The following LVRN variants were observed in gnomAD, a reference collection of about 807,000 sequenced individuals.
The protein encoded by LVRN is laeverin.
LVRN carries 99 observed loss-of-function variants against 111.4 expected under a neutral mutation model. The observed-to-expected ratio is 0.89, with a 90% CI of 0.76 to 1.05. The LOEUF is 1.05. Among genes scored for constraint, LVRN ranks in the 50% least tolerant of loss-of-function variants. The probability of loss-of-function intolerance (pLI) is 0.00; values close to 1 mark genes in which losing one functional copy is unlikely to be tolerated. For synonymous variants in LVRN, 488 were observed against 449.5 expected (o/e 1.09, Z -1.08); for missense variants, 1,414 against 1,206.8 (o/e 1.17, Z -2.54).
intron 13 of LVRN, among the ~76,000 whole-genome samples, chr5:116,007,401 C>T (rs995340008): frequency 6.6e-6 from 1 of 152,172 alleles, no homozygotes; most frequent in Non-Finnish European, 1.5e-5. Flanking sequence ...CCCACCTTAT[C>T]TTATTTGTCC....
intron 16 of LVRN, 97 bp from the exon 17 acceptor site, chr5:116,015,155 A>T: frequency 2.3e-6 from 2 of 881,076 alleles, no homozygotes; most frequent in Admixed American, 4.1e-5. Context: ...TATATCTGTG[A>T]CTATAAATAT....
chr5:116,006,167 G>T (rs114130174), intron 13 of LVRN, among the ~76,000 whole-genome samples, 200 bp downstream of exon 13: 1 of 152,088 alleles, frequency 6.6e-6, no homozygotes, highest in Non-Finnish European at 1.5e-5. Flanking sequence ...CTAAGATGTG[G>T]CAGTGATTTC....
intron 6 of LVRN, 31 bp from the exon 7 acceptor site, chr5:115,999,731 A>C: frequency 6.2e-7 from 1 of 1,610,176 alleles, no homozygotes; most frequent in South Asian, 1.1e-5. Flanking sequence ...ACACCTCAGG[A>C]GTTAATGTGC....
intron 12 of LVRN, among the ~76,000 whole-genome samples, chr5:116,005,042 C>G (rs1270962535): frequency 6.6e-5 from 10 of 152,096 alleles, no homozygotes. Context: ...TTTATTGAAA[C>G]CATTGTAGAT....
intron 5 of LVRN, 87 bp from the exon 6 acceptor site, chr5:115,993,654 C>G (rs1748043704): frequency 1.2e-6 from 1 of 827,152 alleles, no homozygotes; most frequent in Admixed American, 2.8e-5. Flanking sequence ...GTCTTTTGAC[C>G]TTACATTTAC....
At position 116,013,185 on chromosome 5, in the gene LVRN, A is replaced by G. The variant is rs182232593; in HGVS notation, c.2342+717A>G. 5.6e-4 allele frequency among the ~76,000 whole-genome samples: 86 copies of G among 152,336 alleles called. 1 individual carries two copies. The highest frequency in any genetic ancestry group is 4.5e-3 in the Admixed American group (69 of 15,300). ...TCAAATCAATTAGACCAAGCAAGAA[A>G]TACAAAATATACAAAGTATGATTAT... On this transcript the variant is annotated intron_variant, in intron 15 of 19. Transcript: ENST00000357872.
chr5:115,983,146 G>A (rs1747749557), intron 1 of LVRN, 141 bp from the exon 2 acceptor site: 11 of 857,238 alleles, frequency 1.3e-5, no homozygotes, highest in Non-Finnish European at 1.9e-5. Flanking sequence ...GTGTTGGTGT[G>A]ATGGGATGGG....
intron 19 of LVRN, among the ~76,000 whole-genome samples, chr5:116,024,787 T>TA (rs960715845): frequency 3.3e-5 from 5 of 152,258 alleles, no homozygotes; most frequent in East Asian, 1.9e-4. Context: ...TATTGCAATT[T>TA]AAAAAAATAT....
rs1748197891 is a variant in LVRN at position 115,999,802 on chromosome 5, GAGA to G, written c.1419_1421del (p.Glu473del). On this transcript the variant is annotated inframe_deletion, in exon 7 of 20. Coordinates refer to ENST00000357872, the MANE Select transcript of LVRN (RefSeq NM_173800.5). ...TCTAACATTTTACATAATATCCTCA[GAGA>G]AGATCACGCCCTGGTGACTAGAGCT... 1 of 1,613,266 alleles carries G rather than the reference GAGA, an allele frequency of 6.2e-7. No individual in the cohort carries two copies. Among genetic ancestry groups the G allele is most frequent in the African/African-American group, 1.3e-5 (1 of 74,880 alleles).
chr5:115,972,910 C>G (rs1374341200), intron 1 of LVRN, among the ~76,000 whole-genome samples: 1 of 150,942 alleles, frequency 6.6e-6, no homozygotes, highest in Non-Finnish European at 1.5e-5. Flanking sequence ...CATTGATTTT[C>G]TAATGATAAA....
At position 115,980,172 on chromosome 5, in the gene LVRN, G is replaced by C. The variant is rs144097722; in HGVS notation, c.696-3115G>C. Among the ~76,000 whole-genome samples the C allele has an allele frequency of 2.1e-3, 320 of 152,238 alleles. 1 individual carries two copies. The highest frequency in any genetic ancestry group is 0.017 in the Middle Eastern group (5 of 294). ...ATGGACACCATAATAGCATGTTTCA[G>C]TGAGATTTGAAGGGAGGAGAGGGTG... On this transcript the variant is annotated intron_variant, in intron 1 of 19. Transcript: ENST00000357872.
rs569416109 is a variant in LVRN, at chr5:116,005,479, A to T, written c.2038-433A>T. ...ATCTTAAGATAAATACCGTGTGAAA[A>T]AATATGGTACCTCAATGTTACCAAA... On this transcript the variant is annotated intron_variant, in intron 12 of 19. Coordinates refer to ENST00000357872, the MANE Select transcript of LVRN (RefSeq NM_173800.5). 2.6e-5 allele frequency among the ~76,000 whole-genome samples: 4 copies of T among 152,352 alleles called. No homozygotes were observed. The East Asian group carries it at 7.7e-4, about 29-fold the overall frequency.
intron 4 of LVRN, among the ~76,000 whole-genome samples, chr5:115,991,406 G>C (rs1747984893): frequency 6.6e-6 from 1 of 152,180 alleles, no homozygotes; most frequent in Non-Finnish European, 1.5e-5. Flanking sequence ...ATAATACTCT[G>C]TTGTATTGAT....
intron 11 of LVRN, 132 bp downstream of exon 11, chr5:116,003,043 T>A: frequency 1.1e-6 from 1 of 941,018 alleles, no homozygotes; most frequent in Non-Finnish European, 1.6e-6. Flanking sequence ...GAGCATAGAG[T>A]TTTAAAGAAA....
chr5:115,983,426 C>T lies in LVRN; in HGVS notation c.835C>T (p.Leu279=), dbSNP rs770881914. The change falls in exon 2 of 20, where the codon CTA becomes TTA. Residue 279 remains leucine, a synonymous_variant. Coordinates refer to ENST00000357872, the MANE Select transcript of LVRN (RefSeq NM_173800.5). ...SYVALSNMPK[L]GQSEKEDVNG... Reference sequence around the variant, plus strand: ...TGTGGCCCTTTCCAACATGCCAAAGCTAGGTAAGTAATGCTTTCTGTCTAT... The same window carrying T: ...TGTGGCCCTTTCCAACATGCCAAAGTTAGGTAAGTAATGCTTTCTGTCTAT... 3 of 1,596,784 alleles carry T rather than the reference C, an allele frequency of 1.9e-6. No homozygotes were observed. Among genetic ancestry groups the T allele is most frequent in the Admixed American group, 1.8e-5 (1 of 55,848 alleles).
chr5:116,005,742 T>C, intron 12 of LVRN, 170 bp from the exon 13 acceptor site: 1 of 682,840 alleles, frequency 1.5e-6, no homozygotes, highest in Non-Finnish European at 2.7e-6. Flanking sequence ...ATATGTATGA[T>C]AAATAAATTA....
intron 3 of LVRN, 56 bp from the exon 4 acceptor site, chr5:115,987,757 C>T: frequency 6.4e-7 from 1 of 1,569,742 alleles, no homozygotes. Flanking sequence ...AGCAGACTAC[C>T]TCTTTCCAAA....
At chr5:115,974,974 G>A (rs1753409456) in intron 1 of LVRN, 7 of 409,334 alleles carry the variant, frequency 1.7e-5, no homozygotes, top group South Asian at 1.4e-4. Flanking sequence ...GGGAAATGAA[G>A]ATAATCACTT....
chr5:115,987,134 A>T (rs1273492373), intron 3 of LVRN, among the ~76,000 whole-genome samples: 5 of 152,204 alleles, frequency 3.3e-5, no homozygotes, highest in African/African-American at 1.2e-4. Flanking sequence ...AGCTCCAATT[A>T]CACAAACAAT....
Sources: allele counts gnomAD v4.1 joint callset (sites outside exome capture counted in the v4.1 genomes callset), GRCh38; gene constraint gnomAD v4.1.1; transcripts MANE v1.5; gene names NCBI Gene and HGNC (gene_info 2026-07-23, HGNC 2026-07-21).